Variants in CNTNAP3B observed in about 807,000 individuals in gnomAD.
CNTNAP3B encodes the protein contactin-associated protein-like 3B.
CNTNAP3B carries 25 observed loss-of-function variants against 108.9 expected under a neutral mutation model. That is an observed-to-expected ratio of 0.23 (90% CI 0.17 to 0.32). The LOEUF (loss-of-function observed/expected upper bound fraction) is 0.32, where lower values mean the gene tolerates loss of function less well. Ranked by LOEUF, CNTNAP3B falls within the 10% of genes least tolerant of loss-of-function variation. The pLI, the probability that CNTNAP3B is intolerant of heterozygous loss-of-function variation, is 1.00. For synonymous variants in CNTNAP3B, 103 were observed against 473.4 expected (o/e 0.22, Z 10.16); for missense variants, 252 against 1,210.4 (o/e 0.21, Z 11.75).
At chr9:42,003,101 C>T (rs1401620164) in intron 4 of CNTNAP3B, among the ~76,000 whole-genome samples, 2 of 137,128 alleles carry the variant, frequency 1.5e-5, no homozygotes, top group South Asian at 2.4e-4. Context: ...GATGCCAAGG[C>T]TGGTCTTGAA....
chr9:41,967,000 T>C (rs1169452237), intron 10 of CNTNAP3B, among the ~76,000 whole-genome samples: 3 of 150,140 alleles, frequency 2.0e-5, no homozygotes, highest in Non-Finnish European at 3.0e-5. Flanking sequence ...TATCCAAACA[T>C]AAACATCCAT....
At chr9:41,977,848 G>C (rs548231189) in intron 9 of CNTNAP3B, among the ~76,000 whole-genome samples, 1 of 139,890 alleles carries the variant, frequency 7.1e-6, no homozygotes, top group Non-Finnish European at 1.5e-5. Flanking sequence ...AGCCAGGATG[G>C]TCTCGATCTC....
At chr9:42,021,978 C>T (rs1197729433) in intron 3 of CNTNAP3B, among the ~76,000 whole-genome samples, 1 of 115,984 alleles carries the variant, frequency 8.6e-6, no homozygotes, top group Non-Finnish European at 1.7e-5. Flanking sequence ...GCAAGCCAAC[C>T]GTGAGAGACA....
intron 18 of CNTNAP3B, among the ~76,000 whole-genome samples, chr9:41,917,039 A>G (rs1381004448): frequency 2.0e-5 from 3 of 152,378 alleles, no homozygotes; most frequent in East Asian, 1.9e-4. Context: ...TGTCATCTGT[A>G]TTTCACTGAG....
At chr9:42,006,135 A>T (rs1251061937) in intron 4 of CNTNAP3B, among the ~76,000 whole-genome samples, 1 of 52,486 alleles carries the variant, frequency 1.9e-5, no homozygotes, top group African/African-American at 5.6e-5. Flanking sequence ...TGAATTAACA[A>T]CTGTGCCTAA....
intron 3 of CNTNAP3B, among the ~76,000 whole-genome samples, chr9:42,035,879 G>C (rs1475108725): frequency 7.0e-6 from 1 of 143,130 alleles, no homozygotes; most frequent in Non-Finnish European, 1.5e-5. Flanking sequence ...TGCCCTGGTT[G>C]GTCTAAAACT....
At position 42,090,743 on chromosome 9, in the gene CNTNAP3B, G is replaced by A. The variant is rs576812389; in HGVS notation, c.197-13681C>T. Among the ~76,000 whole-genome samples the A allele has an allele frequency of 7.3e-4, 49 of 66,908 alleles. 12 individuals carry two copies. Among genetic ancestry groups the A allele is most frequent in the African/African-American group, 1.8e-3 (32 of 17,838 alleles). 43.9% of individuals were successfully genotyped at this position (66,908 alleles called of 152,430 possible). A position where few individuals can be genotyped will look rare whatever the true frequency, so the allele number is the denominator to read the frequency against. ...TATATGTGTATATGTACTGACATAT[G>A]TGTGTTTATATGCACACACACTGAC... is the stretch of plus-strand genomic sequence containing the variant. On this transcript the variant is annotated intron_variant, in intron 2 of 23. Transcript: ENST00000377561.
intron 13 of CNTNAP3B, among the ~76,000 whole-genome samples, chr9:41,949,787 A>G (rs2118129597): frequency 6.6e-6 from 1 of 152,068 alleles, no homozygotes; most frequent in South Asian, 2.1e-4. Flanking sequence ...AAAAAAATTC[A>G]AAAATCTTTG....
chr9:42,029,407 G>A, intron 3 of CNTNAP3B, among the ~76,000 whole-genome samples: 1 of 127,090 alleles, frequency 7.9e-6, no homozygotes, highest in East Asian at 2.5e-4. Context: ...TTTATTGTTT[G>A]TTTTTAGCAG....
intron 3 of CNTNAP3B, among the ~76,000 whole-genome samples, chr9:42,030,742 A>C: frequency 4.2e-5 from 1 of 24,004 alleles, no homozygotes. Flanking sequence ...GGGAGTGAGA[A>C]AGAGATACAG....
chr9:42,064,116 C>A (rs1827223839), intron 3 of CNTNAP3B, among the ~76,000 whole-genome samples: 1 of 145,664 alleles, frequency 6.9e-6, no homozygotes, highest in Non-Finnish European at 1.5e-5. Flanking sequence ...TTGCAATTTT[C>A]ATTTAATTCA....
At chr9:42,099,433 A>G (rs1341146845) in intron 2 of CNTNAP3B, among the ~76,000 whole-genome samples, 1 of 135,538 alleles carries the variant, frequency 7.4e-6, no homozygotes, top group South Asian at 2.4e-4. Context: ...GAAGCTATAA[A>G]CATAAGACAC....
intron 3 of CNTNAP3B, among the ~76,000 whole-genome samples, chr9:42,018,742 G>A (rs1308370801): frequency 1.3e-5 from 2 of 151,788 alleles, no homozygotes; most frequent in East Asian, 1.9e-4. Flanking sequence ...AACACAGGCT[G>A]CGAAGCTGGA....
chr9:42,117,163 C>T (rs1481044874), intron 1 of CNTNAP3B, among the ~76,000 whole-genome samples: 1 of 136,442 alleles, frequency 7.3e-6, no homozygotes, highest in Non-Finnish European at 1.6e-5. Context: ...CTCAGCTCTG[C>T]ACCAAGCAGA....
chr9:42,074,996 C>T (rs1827455445), intron 3 of CNTNAP3B, among the ~76,000 whole-genome samples: 1 of 146,704 alleles, frequency 6.8e-6, no homozygotes, highest in Admixed American at 6.8e-5. Flanking sequence ...GCCGGCCGTG[C>T]TGCCTCCGGA....
At chr9:42,111,984 G>A in intron 1 of CNTNAP3B, among the ~76,000 whole-genome samples, 1 of 139,098 alleles carries the variant, frequency 7.2e-6, no homozygotes. Context: ...GATCCCCACT[G>A]CACCTGTCCT....
chr9:41,939,032 C>G (rs543584920), intron 13 of CNTNAP3B, among the ~76,000 whole-genome samples: 5 of 152,028 alleles, frequency 3.3e-5, no homozygotes, highest in Admixed American at 6.5e-5. Context: ...ACAGCTCTGA[C>G]GAGTGCGCCT....
At chr9:42,042,193 G>A (rs1826775773) in intron 3 of CNTNAP3B, among the ~76,000 whole-genome samples, 1 of 120,310 alleles carries the variant, frequency 8.3e-6, no homozygotes, top group Non-Finnish European at 1.8e-5. Context: ...TAACAAACCT[G>A]CTACGTTGTA....
intron 1 of CNTNAP3B, among the ~76,000 whole-genome samples, chr9:42,122,325 G>T (rs1828480202): frequency 7.2e-6 from 1 of 138,840 alleles, no homozygotes; most frequent in Admixed American, 7.2e-5. Context: ...AATGAAAAGA[G>T]ATAAATTAGT....
Sources: allele counts gnomAD v4.1 joint callset (sites outside exome capture counted in the v4.1 genomes callset), GRCh38; gene constraint gnomAD v4.1.1; transcripts MANE v1.5; gene names NCBI Gene and HGNC (gene_info 2026-07-23, HGNC 2026-07-21).